Variants in NRG4 observed in about 807,000 individuals in gnomAD.
NRG4 encodes the protein neuregulin 4.
A neutral mutation model predicts 15.0 loss-of-function variants in NRG4; 10 were observed. The observed-to-expected ratio is 0.67, with a 90% CI of 0.41 to 1.13. The LOEUF is 1.13. NRG4 is among the 50% of genes most tolerant of loss of function. NRG4 has a pLI of 0.00. For missense variants in NRG4, 139 were observed against 140.2 expected, an observed-to-expected ratio of 0.99 and a Z score of 0.04; for synonymous variants, 41 against 50.1, an observed-to-expected ratio of 0.82 and a Z score of 0.77.
intron 2 of NRG4, among the ~76,000 whole-genome samples, chr15:76,056,173 C>T (rs775177327): frequency 3.3e-5 from 5 of 152,072 alleles, no homozygotes; most frequent in Non-Finnish European, 7.4e-5. Flanking sequence ...AGCGGCCGGG[C>T]GCAGTGGCTC....
chr15:75,987,801 C>A (rs996305995), intron 3 of NRG4, among the ~76,000 whole-genome samples: 1 of 152,206 alleles, frequency 6.6e-6, no homozygotes, highest in African/African-American at 2.4e-5. Flanking sequence ...CTTTTAGGCT[C>A]ACCTTACTCA....
chr15:76,033,294 G>A lies in NRG4; in HGVS notation c.-57+2650C>T, dbSNP rs977836977. On this transcript the variant is annotated intron_variant, in intron 5 of 8. Transcript: ENST00000563910. ...TTCCCGGCCAGTTGTGGTGGCTCAC[G>A]CCTGTCATCCTAGCACATTAGGGGA... 5.3e-5 allele frequency among the ~76,000 whole-genome samples: 8 copies of A among 152,162 alleles called. 1 individual carries two copies. In the South Asian group the frequency reaches 6.3e-4, roughly 12 times the overall value.
intron 5 of NRG4, among the ~76,000 whole-genome samples, chr15:75,947,625 T>G (rs1343210983): frequency 6.6e-6 from 1 of 152,206 alleles, no homozygotes; most frequent in East Asian, 1.9e-4. Flanking sequence ...TCTGTTTGAG[T>G]CCATTCTTTC....
chr15:76,008,483 A>G (rs2034689451), intron 3 of NRG4, among the ~76,000 whole-genome samples: 2 of 152,196 alleles, frequency 1.3e-5, no homozygotes, highest in Non-Finnish European at 1.5e-5. Flanking sequence ...GTGTTACAAA[A>G]TATCTTTAGA....
intron 1 of NRG4, chr15:76,059,518 C>A (rs1260060669): frequency 6.6e-6 from 1 of 152,504 alleles, no homozygotes; most frequent in African/African-American, 2.4e-5. Context: ...CCTCCGCTTC[C>A]CCGAGCGACG....
At chr15:76,006,209 A>G (rs980257964) in intron 3 of NRG4, among the ~76,000 whole-genome samples, 26 of 152,180 alleles carry the variant, frequency 1.7e-4, no homozygotes, top group African/African-American at 5.5e-4. Context: ...TGACAACTGG[A>G]CAAGAGGGCA....
chr15:76,015,979 A>G (rs2034962186), upstream of NRG4, among the ~76,000 whole-genome samples: 1 of 151,922 alleles, frequency 6.6e-6, no homozygotes, highest in Non-Finnish European at 1.5e-5. Flanking sequence ...CTTGTCCTGG[A>G]CTTTTTTTGG....
At chr15:76,022,975 T>A (rs1282230498) in intron 5 of NRG4, among the ~76,000 whole-genome samples, 1 of 152,038 alleles carries the variant, frequency 6.6e-6, no homozygotes, top group Non-Finnish European at 1.5e-5. Context: ...ACACCCACAG[T>A]ATAGCTGAGC....
At chr15:75,958,985 A>G (rs2032378833) in intron 4 of NRG4, 2 of 181,720 alleles carry the variant, frequency 1.1e-5, no homozygotes, top group African/African-American at 4.8e-5. Context: ...TTGTTTATTT[A>G]TTTATTTTTT....
At position 75,942,627 on chromosome 15, in the gene NRG4, A is replaced by C. The variant is rs2031115606; in HGVS notation, c.*1011T>G. 6.6e-6 allele frequency: 1 copy of C among 152,254 alleles called. No homozygotes were observed. The highest frequency in any genetic ancestry group is 1.5e-5 in the Non-Finnish European group (1 of 68,070). The allele number at this position is 152,254 out of a possible 1,614,324, so 9.4% of individuals were successfully genotyped here. A position where few individuals can be genotyped will look rare whatever the true frequency, so the allele number is the denominator to read the frequency against. ...GTGACACTAGTGACCCACTGAATTC[A>C]CAGCACTTACACTGGGCCAGACTGT... On this transcript the variant is annotated 3_prime_UTR_variant, in exon 6 of 6. Coordinates refer to ENST00000394907, the MANE Select transcript of NRG4 (RefSeq NM_138573.4).
At chr15:76,020,623 T>C (rs530784499) in intron 5 of NRG4, among the ~76,000 whole-genome samples, 35 of 152,180 alleles carry the variant, frequency 2.3e-4, no homozygotes, top group African/African-American at 8.4e-4. Flanking sequence ...CACAAAAAAA[T>C]CTTATAATGT....
chr15:76,017,149 C>T (rs1250616063), upstream of NRG4, among the ~76,000 whole-genome samples: 1 of 136,956 alleles, frequency 7.3e-6, no homozygotes, highest in African/African-American at 2.8e-5. Flanking sequence ...GGATTGCAAC[C>T]CCTGCCTTTT....
chr15:75,979,925 T>C (rs2141849456), intron 3 of NRG4, among the ~76,000 whole-genome samples: 1 of 152,310 alleles, frequency 6.6e-6, no homozygotes, highest in Middle Eastern at 3.4e-3. Flanking sequence ...TTGTTAGCTT[T>C]TGTATCCTAC....
intron 4 of NRG4, among the ~76,000 whole-genome samples, chr15:76,046,348 A>T (rs1211754425): frequency 6.6e-6 from 1 of 151,232 alleles, no homozygotes; most frequent in Non-Finnish European, 1.5e-5. Flanking sequence ...ATAGGAAAAA[A>T]AATTCTTAAA....
chr15:75,981,133 T>C (rs1039719061), intron 3 of NRG4, among the ~76,000 whole-genome samples: 1 of 152,210 alleles, frequency 6.6e-6, no homozygotes, highest in African/African-American at 2.4e-5. Flanking sequence ...CCCTATGACT[T>C]GCTTTGACAA....
At chr15:76,021,915 C>T (rs2454211) in intron 5 of NRG4, among the ~76,000 whole-genome samples, 2,091 of 152,224 alleles carry the variant, frequency 0.014, 47 homozygotes, top group African/African-American at 0.047. Context: ...ACTGGGGTGG[C>T]GGATGGTTTC....
intron 3 of NRG4, among the ~76,000 whole-genome samples, chr15:76,005,093 G>T (rs898071487): frequency 2.0e-5 from 3 of 152,134 alleles, no homozygotes; most frequent in African/African-American, 7.2e-5. Context: ...TCATAAGGGG[G>T]CTGGATGAAG....
At chr15:75,938,792 C>A (rs192817104), downstream of NRG4, 88 of 152,112 alleles carry the variant, frequency 5.8e-4, no homozygotes, top group East Asian at 4.2e-3. Context: ...CATTTTTGAA[C>A]CACAACAGGA....
intron 3 of NRG4, among the ~76,000 whole-genome samples, chr15:76,002,922 G>C (rs896952710): frequency 5.9e-5 from 9 of 152,064 alleles, no homozygotes; most frequent in African/African-American, 2.2e-4. Context: ...AGAATAATGG[G>C]CAAAATATCA....
Sources: gnomAD v4.1 joint callset for allele counts (sites outside exome capture counted in the v4.1 genomes callset) on GRCh38, gnomAD v4.1.1 for gene constraint, MANE v1.5 for transcripts, NCBI Gene and HGNC (gene_info 2026-07-23, HGNC 2026-07-21) for gene names.